The following USP13 variants were observed in gnomAD, a reference collection of about 807,000 sequenced individuals.
The protein encoded by USP13 is ubiquitin carboxyl-terminal hydrolase 13.
In USP13, 68 loss-of-function variants were observed where a neutral mutation model predicts 107.8. The observed-to-expected ratio is 0.63, with a 90% CI of 0.52 to 0.77. The LOEUF is 0.77. USP13 is among the 30% of genes least tolerant of loss of function. The pLI is 0.00. For missense variants in USP13, 945 were observed against 1,093.3 expected, an observed-to-expected ratio of 0.86 and a Z score of 1.91; for synonymous variants, 377 against 389.5, an observed-to-expected ratio of 0.97 and a Z score of 0.38.
At chr3:179,757,850 C>G (rs1038804438) in intron 16 of USP13, among the ~76,000 whole-genome samples, 1 of 152,132 alleles carries the variant, frequency 6.6e-6, no homozygotes, top group Non-Finnish European at 1.5e-5. Flanking sequence ...TTAGAGTCAG[C>G]AAGGGTCAGC....
intron 8 of USP13, among the ~76,000 whole-genome samples, chr3:179,728,430 C>T (rs1240047731): frequency 2.0e-5 from 3 of 149,144 alleles, no homozygotes; most frequent in African/African-American, 4.9e-5. Flanking sequence ...TGATGGCGGC[C>T]GGGAAGAGGC....
intron 10 of USP13, among the ~76,000 whole-genome samples, chr3:179,740,005 A>G (rs776500997): frequency 2.0e-5 from 3 of 152,036 alleles, no homozygotes; most frequent in Non-Finnish European, 4.4e-5. Flanking sequence ...TGTGTCACCT[A>G]TTGTCCTAGT....
intron 6 of USP13, among the ~76,000 whole-genome samples, chr3:179,712,471 T>C (rs1712965223): frequency 6.6e-6 from 1 of 152,108 alleles, no homozygotes; most frequent in South Asian, 2.1e-4. Flanking sequence ...AATCAGTTCA[T>C]ACACACACAT....
At position 179,653,463 on chromosome 3, in the gene USP13, T is replaced by G. The variant is rs937653665; in HGVS notation, c.168+70T>G. On this transcript the variant is annotated intron_variant, in intron 1 of 20. Transcript: ENST00000263966. The surrounding 1 kb of genome is among the most constrained non-coding windows in gnomAD (Gnocchi z 4.0). ...CGGCACGTGAAGCCGGGGGAGAAGA[T>G]GCGCAGTGGCGGCCGGGACCTCTTC... The G allele has an allele frequency of 6.6e-6, 10 of 1,513,712 alleles. No individual in the cohort carries two copies. Among genetic ancestry groups the G allele is most frequent in the Non-Finnish European group, 8.0e-6 (9 of 1,125,812 alleles). 93.8% of individuals were successfully genotyped at this position (1,513,712 alleles called of 1,614,324 possible). A position where few individuals can be genotyped will look rare whatever the true frequency, so the allele number is the denominator to read the frequency against.
chr3:179,762,808 C>T (rs188137379), intron 17 of USP13, among the ~76,000 whole-genome samples: 130 of 152,234 alleles, frequency 8.5e-4, no homozygotes, highest in African/African-American at 2.8e-3. Flanking sequence ...TTTTGAGGAA[C>T]GACCAAACTG....
At chr3:179,767,535 CT>C (rs931266667) in intron 19 of USP13, among the ~76,000 whole-genome samples, 21 of 152,168 alleles carry the variant, frequency 1.4e-4, no homozygotes, top group African/African-American at 4.6e-4. Flanking sequence ...AGCGATTCTC[CT>C]GCTTCAGCCT....
rs1409591309 is a variant in USP13 at position 179,690,386 on chromosome 3, A to G, written c.355+85A>G. 30 of 1,259,388 alleles carry G rather than the reference A, an allele frequency of 2.4e-5. No individual in the cohort carries two copies. The Admixed American group carries it at 5.8e-4, about 24-fold the overall frequency. The allele number at this position is 1,259,388 out of a possible 1,614,324, so 78.0% of individuals were successfully genotyped here. On this transcript the variant is annotated intron_variant, in intron 3 of 20. Transcript: ENST00000263966. ...CTCATGTGCATCTTTGATTTAGAGT[A>G]ATAGGTTGTTTATTGCTGTACAATT...
At position 179,716,986 on chromosome 3, in the gene USP13, A is replaced by T. The variant is rs540221780; in HGVS notation, c.806-2954A>T. ...TCATTTAACTTGAAATGAAAGGATG[A>T]CTGGTTTGCTTCTAAAATGAATGCA... On this transcript the variant is annotated intron_variant, in intron 6 of 20. Coordinates refer to ENST00000263966, the MANE Select transcript of USP13 (RefSeq NM_003940.3). Among the ~76,000 whole-genome samples, 4 of 152,240 alleles carry T rather than the reference A, an allele frequency of 2.6e-5. No individual in the cohort carries two copies. The East Asian group carries it at 7.7e-4, about 29-fold the overall frequency.
At chr3:179,686,670 A>C (rs1307735071) in intron 2 of USP13, among the ~76,000 whole-genome samples, 1 of 152,164 alleles carries the variant, frequency 6.6e-6, no homozygotes, top group Non-Finnish European at 1.5e-5. Context: ...TTCTTTAAAA[A>C]CTTTTCTGAT....
At chr3:179,717,342 T>C (rs545143976) in intron 6 of USP13, among the ~76,000 whole-genome samples, 1 of 152,254 alleles carries the variant, frequency 6.6e-6, no homozygotes, top group Non-Finnish European at 1.5e-5. Flanking sequence ...AGGTTTCTTG[T>C]ATGTTACTCA....
intron 19 of USP13, among the ~76,000 whole-genome samples, chr3:179,776,335 T>A (rs1052028913): frequency 6.6e-6 from 1 of 152,104 alleles, no homozygotes; most frequent in Non-Finnish European, 1.5e-5. Flanking sequence ...CCCTAGATAA[T>A]CTTTGGGTGG....
chr3:179,690,307 T>C lies in USP13; in HGVS notation c.355+6T>C. The C allele has an allele frequency of 1.2e-6, 2 of 1,613,186 alleles. No individual in the cohort carries two copies. Among genetic ancestry groups the C allele is most frequent in the South Asian group, 1.1e-5 (1 of 91,000 alleles). ...GAATTCCAAGATTTTTTTAGGTAAA[T>C]AGTTATCAGTAGCATGCTCAGATTT... On this transcript the variant is annotated splice_donor_region_variant and intron_variant, in intron 3 of 20. Transcript: ENST00000263966.
At chr3:179,659,971 A>G (rs1720408839) in intron 1 of USP13, among the ~76,000 whole-genome samples, 1 of 152,198 alleles carries the variant, frequency 6.6e-6, no homozygotes, top group African/African-American at 2.4e-5. Flanking sequence ...TGAACCTGGG[A>G]GGCAGAGGTT....
intron 13 of USP13, among the ~76,000 whole-genome samples, chr3:179,747,869 C>G (rs9842638): frequency 0.032 from 4,895 of 152,250 alleles, 255 homozygotes; most frequent in African/African-American, 0.11. Context: ...GTTTCTGCTT[C>G]CTATAGTTCT....
At position 179,707,072 on chromosome 3, in the gene USP13, C is replaced by T; in HGVS notation, c.616C>T (p.Pro206Ser). Residue 206 changes from proline to serine, a missense_variant, in exon 5 of 21, where the codon CCA becomes TCA. Pro to Ser is a moderately conservative substitution (Grantham distance 74). Transcript: ENST00000263966. ...TQLDNGVRIP[P>S]SGWKCARCDL... ...GCTGGACAATGGAGTCAGGATTCCT[C>T]CAAGGTGAGAGTCAGATAGCAGAAT... The T allele has an allele frequency of 6.2e-7, 1 of 1,613,272 alleles. No homozygotes were observed. Among genetic ancestry groups the T allele is most frequent in the Non-Finnish European group, 8.5e-7 (1 of 1,179,768 alleles).
intron 15 of USP13, among the ~76,000 whole-genome samples, chr3:179,756,688 G>A (rs866472967): frequency 6.6e-6 from 1 of 152,288 alleles, no homozygotes; most frequent in Middle Eastern, 3.4e-3. Context: ...AGCCCAGGAG[G>A]TCGAGGCTGC....
At chr3:179,755,146 A>C (rs539253462) in intron 15 of USP13, among the ~76,000 whole-genome samples, 3 of 152,198 alleles carry the variant, frequency 2.0e-5, no homozygotes, top group Non-Finnish European at 2.9e-5. Context: ...CCTTTGGACA[A>C]CCTAAAGGGG....
rs1482367427 is a variant in USP13 at position 179,786,571 on chromosome 3, T to G, written c.*2430T>G. ...AAGGCAAAGTTTTGTATATGTGCTATTCTTTACTTCAGATTGAGAGTTGGG... is the reference window on the plus strand; with the variant it reads ...AAGGCAAAGTTTTGTATATGTGCTAGTCTTTACTTCAGATTGAGAGTTGGG... On this transcript the variant is annotated 3_prime_UTR_variant, in exon 21 of 21. Transcript: ENST00000263966. 6.5e-6 allele frequency: 1 copy of G among 154,898 alleles called. No homozygotes were observed. Among genetic ancestry groups the G allele is most frequent in the Non-Finnish European group, 1.4e-5 (1 of 70,020 alleles). The allele number at this position is 154,898 out of a possible 1,614,324, so 9.6% of individuals were successfully genotyped here. A position where few individuals can be genotyped will look rare whatever the true frequency, so the allele number is the denominator to read the frequency against.
intron 1 of USP13, among the ~76,000 whole-genome samples, chr3:179,666,720 C>T (rs528910346): frequency 6.6e-6 from 1 of 152,306 alleles, no homozygotes; most frequent in South Asian, 2.1e-4. Context: ...CCTGTCCCTC[C>T]TGCTTTCCTT....
Sources: allele counts gnomAD v4.1 joint callset (sites outside exome capture counted in the v4.1 genomes callset), GRCh38; gene constraint gnomAD v4.1.1; non-coding constraint Gnocchi (gnomAD v3.1); transcripts MANE v1.5; gene names NCBI Gene and HGNC (gene_info 2026-07-23, HGNC 2026-07-21).